Variants in CNTLN observed in about 807,000 individuals in gnomAD.
The protein encoded by CNTLN is centlein, centrosomal protein.
A neutral mutation model predicts 180.0 loss-of-function variants in CNTLN; 212 were observed. That is an observed-to-expected ratio of 1.18 (90% confidence interval 1.05 to 1.32). The LOEUF (loss-of-function observed/expected upper bound fraction) is 1.32. CNTLN is among the 40% of genes most tolerant of loss of function. CNTLN has a pLI of 0.00. For missense variants in CNTLN, 2,095 were observed against 1,610.9 expected (o/e 1.30, Z -5.14); for synonymous variants, 722 against 563.1 (o/e 1.28, Z -3.99).
chr9:17,378,157 T>C (rs1013702873), intron 13 of CNTLN, among the ~76,000 whole-genome samples: 1 of 152,096 alleles, frequency 6.6e-6, no homozygotes, highest in Non-Finnish European at 1.5e-5. Context: ...CATCAGTAAT[T>C]CAATTTTTAG....
intron 12 of CNTLN, 123 bp from the exon 13 acceptor site, chr9:17,366,494 A>G (rs1160637669): frequency 4.4e-6 from 2 of 452,752 alleles, no homozygotes; most frequent in Non-Finnish European, 7.9e-6. Context: ...TCTCCATTTT[A>G]TATACATTAA....
the CNTLN span, among the ~76,000 whole-genome samples, chr9:17,524,846 CA>C: frequency 6.6e-6 from 1 of 152,050 alleles, no homozygotes; most frequent in African/African-American, 2.4e-5. Context: ...TAGAGAGTTA[CA>C]AAGAAAAAGA....
intron 8 of CNTLN, among the ~76,000 whole-genome samples, chr9:17,320,918 A>C (rs1400308518): frequency 6.6e-6 from 1 of 152,222 alleles, no homozygotes; most frequent in African/African-American, 2.4e-5. Context: ...ATTCCCTGCC[A>C]AACTGCATTC....
At chr9:17,435,614 G>A (rs1400620177) in intron 18 of CNTLN, among the ~76,000 whole-genome samples, 1 of 150,874 alleles carries the variant, frequency 6.6e-6, no homozygotes, top group African/African-American at 2.4e-5. Flanking sequence ...AGGATGGAGT[G>A]CAGTGGCGCG....
At chr9:17,297,219 G>C (rs1235354634) in intron 6 of CNTLN, among the ~76,000 whole-genome samples, 5 of 152,054 alleles carry the variant, frequency 3.3e-5, no homozygotes, top group Non-Finnish European at 5.9e-5. Context: ...CTTTGTATTA[G>C]GTATTATAAG....
intron 8 of CNTLN, among the ~76,000 whole-genome samples, chr9:17,327,396 G>A (rs2133088012): frequency 6.6e-6 from 1 of 151,584 alleles, no homozygotes; most frequent in Non-Finnish European, 1.5e-5. Context: ...GTGTTAGCCA[G>A]GATGGTCTCG....
chr9:17,416,405 C>G (rs1444986685), intron 18 of CNTLN, among the ~76,000 whole-genome samples: 2 of 152,094 alleles, frequency 1.3e-5, no homozygotes, highest in Non-Finnish European at 2.9e-5. Context: ...AACTCTGAAT[C>G]TAAAAGACAC....
At chr9:17,196,727 T>C (rs1822156582) in intron 2 of CNTLN, among the ~76,000 whole-genome samples, 1 of 151,840 alleles carries the variant, frequency 6.6e-6, no homozygotes, top group Non-Finnish European at 1.5e-5. Flanking sequence ...TTTTAATTTA[T>C]GTGGGTACAT....
At chr9:17,508,290 A>C (rs1318612837), downstream of CNTLN, among the ~76,000 whole-genome samples, 1 of 152,236 alleles carries the variant, frequency 6.6e-6, no homozygotes, top group Non-Finnish European at 1.5e-5. Context: ...AGTTGCAAAA[A>C]TAGTAAGCAG....
intron 5 of CNTLN, among the ~76,000 whole-genome samples, chr9:17,267,641 C>G (rs1235313852): frequency 6.6e-6 from 1 of 152,134 alleles, no homozygotes; most frequent in African/African-American, 2.4e-5. Context: ...TGTTTTCCAA[C>G]TTGGTTCCAT....
intron 2 of CNTLN, among the ~76,000 whole-genome samples, chr9:17,155,208 G>A (rs1563829785): frequency 1.3e-5 from 2 of 152,288 alleles, no homozygotes; most frequent in East Asian, 1.9e-4. Flanking sequence ...AACACTCACC[G>A]CGAGGGTCCG....
Position 17,409,293 on chromosome 9 carries a change from C to G in CNTLN, c.2616C>G (p.Ser872Arg). 1 of 1,604,350 alleles carries G rather than the reference C, an allele frequency of 6.2e-7. No individual in the cohort carries two copies. The highest frequency in any genetic ancestry group is 2.2e-5 in the East Asian group (1 of 44,682). Residue 872 changes from serine (S) to arginine (R), a missense_variant and splice_region_variant, in exon 16 of 26, where the codon AGC becomes AGG. Ser to Arg is a moderately radical substitution (Grantham distance 110). Coordinates refer to ENST00000380647, the MANE Select transcript of CNTLN (RefSeq NM_017738.4). Reference protein sequence around the residue: ...KDGWEDVSESSSDSEAQTSQT... With the variant: ...KDGWEDVSESRSDSEAQTSQT... ...TATGTCCCTACTTTTTTCTAAAAAG[C>G]AGTGATTCTGAAGCACAGACCTCTC...
At chr9:17,179,645 T>C (rs994883661) in intron 2 of CNTLN, among the ~76,000 whole-genome samples, 1 of 152,222 alleles carries the variant, frequency 6.6e-6, no homozygotes, top group African/African-American at 2.4e-5. Context: ...ATTTTGCTGA[T>C]GTTGGTGGAT....
At chr9:17,286,944 G>A (rs1400851876) in intron 6 of CNTLN, among the ~76,000 whole-genome samples, 60 of 129,982 alleles carry the variant, frequency 4.6e-4, no homozygotes, top group East Asian at 1.5e-3. Flanking sequence ...CAATCATGTC[G>A]TCTGCAAACA....
At chr9:17,288,900 G>A (rs1297412071) in intron 6 of CNTLN, among the ~76,000 whole-genome samples, 1 of 116,022 alleles carries the variant, frequency 8.6e-6, no homozygotes, top group Admixed American at 8.5e-5. Flanking sequence ...GCCTATGTGT[G>A]TCTCTGCACG....
At chr9:17,368,282 G>A (rs528386417) in intron 13 of CNTLN, among the ~76,000 whole-genome samples, 3 of 152,292 alleles carry the variant, frequency 2.0e-5, no homozygotes, top group Non-Finnish European at 4.4e-5. Context: ...GAAGGGAAGA[G>A]TGGGAAGGAC....
intron 18 of CNTLN, among the ~76,000 whole-genome samples, chr9:17,445,985 A>G (rs1830389769): frequency 6.6e-6 from 1 of 152,232 alleles, no homozygotes; most frequent in Non-Finnish European, 1.5e-5. Flanking sequence ...TGCTTTGTAA[A>G]GCATTGAGCT....
intron 12 of CNTLN, among the ~76,000 whole-genome samples, chr9:17,350,144 A>G (rs1822241929): frequency 6.6e-6 from 1 of 152,162 alleles, no homozygotes; most frequent in South Asian, 2.1e-4. Context: ...TTCTTTCAGA[A>G]TGGTGATATA....
At position 17,314,774 on chromosome 9, in the gene CNTLN, C is replaced by T. The variant is rs117653330; in HGVS notation, c.1341+5522C>T. Among the ~76,000 whole-genome samples the T allele has an allele frequency of 5.6e-3, 854 of 152,188 alleles. 12 individuals carry two copies. Among genetic ancestry groups the T allele is most frequent in the East Asian group, 0.044 (226 of 5,172 alleles). On this transcript the variant is annotated intron_variant, in intron 8 of 25. Transcript: ENST00000380647. ...CCTACATTTGATCATTCTCTGTTACCTTCAGGTAGTTGTTTATAATTTGCT... is the reference window on the plus strand; with the variant it reads ...CCTACATTTGATCATTCTCTGTTACTTTCAGGTAGTTGTTTATAATTTGCT...
Sources: allele counts gnomAD v4.1 joint callset (sites outside exome capture counted in the v4.1 genomes callset), GRCh38; gene constraint gnomAD v4.1.1; transcripts MANE v1.5; gene names NCBI Gene and HGNC (gene_info 2026-07-23, HGNC 2026-07-21).